The following PIF1 variants were observed in gnomAD, a reference collection of about 807,000 sequenced individuals.
The protein encoded by PIF1 is ATP-dependent DNA helicase PIF1.
Under a neutral mutation model 62.3 loss-of-function variants are expected in PIF1, and 67 were observed. That is an observed-to-expected ratio of 1.08 (90% CI 0.88 to 1.32). PIF1 has a LOEUF of 1.32. Ranked by LOEUF, PIF1 falls within the 40% of genes most tolerant of loss-of-function variation. The pLI is 0.00. For missense variants in PIF1, 886 were observed against 866.1 expected, an observed-to-expected ratio of 1.02 and a Z score of -0.29; for synonymous variants, 364 against 379.5, an observed-to-expected ratio of 0.96 and a Z score of 0.47.
intron 2 of PIF1, among the ~76,000 whole-genome samples, chr15:64,823,060 G>A: frequency 6.6e-6 from 1 of 151,948 alleles, no homozygotes; most frequent in Non-Finnish European, 1.5e-5. Context: ...TGATTCACCT[G>A]CCCCAGCCCA....
rs1225185629 is a variant in PIF1 at position 64,825,602 on chromosome 15, C to A, written c.-53G>T. On this transcript the variant is annotated 5_prime_UTR_variant, in exon 1 of 13. Coordinates refer to ENST00000559239, the MANE Select transcript of PIF1 (RefSeq NM_001286496.2). The stretch of plus-strand genomic sequence containing the variant: ...TCGGGCAGACACTCACTTGTGCCGA[C>A]ACTCAGATGAACAAGCAGATCGTAG... 3 of 152,190 alleles carry A rather than the reference C, an allele frequency of 2.0e-5. No individual in the cohort carries two copies. Among genetic ancestry groups the A allele is most frequent in the African/African-American group, 7.2e-5 (3 of 41,450 alleles). The allele number at this position is 152,190 out of a possible 1,614,324, so 9.4% of individuals were successfully genotyped here. A position where few individuals can be genotyped will look rare whatever the true frequency, so the allele number is the denominator to read the frequency against.
intron 12 of PIF1, 65 bp from the exon 13 acceptor site, chr15:64,816,422 G>A: frequency 6.2e-7 from 1 of 1,601,658 alleles, no homozygotes; most frequent in Non-Finnish European, 8.5e-7. Context: ...TAACCTGGGG[G>A]CCAGCATCTC....
chr15:64,826,415 G>A (rs2084367556), upstream of PIF1, among the ~76,000 whole-genome samples: 1 of 151,198 alleles, frequency 6.6e-6, no homozygotes, highest in African/African-American at 2.4e-5. Flanking sequence ...AACTACCATG[G>A]ATTAAATTGC....
chr15:64,822,575 C>T lies in PIF1; in HGVS notation c.594G>A (p.Leu198=), dbSNP rs1197815898. 6.2e-7 allele frequency: 1 copy of T among 1,614,050 alleles called. No homozygotes were observed. Among genetic ancestry groups the T allele is most frequent in the Non-Finnish European group, 8.5e-7 (1 of 1,180,048 alleles). ...APRWPLPVKR[L]SLPSTKPQLS... is the part of the protein sequence containing the mutation. Reference sequence around the variant, plus strand: ...GCTGTGGCTTGGTGGAGGGCAAGCTCAGCCTCTTCACAGGCAGGGGCCACC... The same window carrying T: ...GCTGTGGCTTGGTGGAGGGCAAGCTTAGCCTCTTCACAGGCAGGGGCCACC... Residue 198 remains leucine, a synonymous_variant, in exon 3 of 13, where the codon CTG becomes CTA. Coordinates refer to ENST00000559239, the MANE Select transcript of PIF1 (RefSeq NM_001286496.2).
intron 7 of PIF1, 23 bp downstream of exon 7, chr15:64,820,959 C>T: frequency 6.2e-7 from 1 of 1,605,608 alleles, no homozygotes; most frequent in Non-Finnish European, 8.5e-7. Context: ...CCCATAGCCC[C>T]TTCCCCAACC....
rs2084325681 is a variant in PIF1 at position 64,823,913 on chromosome 15, G to A, written c.423C>T (p.Gly141=). 7.4e-7 allele frequency: 1 copy of A among 1,353,804 alleles called. No homozygotes were observed. Among genetic ancestry groups the A allele is most frequent in the Non-Finnish European group, 9.6e-7 (1 of 1,045,814 alleles). The allele number at this position is 1,353,804 out of a possible 1,614,324, so 83.9% of individuals were successfully genotyped here. A position where few individuals can be genotyped will look rare whatever the true frequency, so the allele number is the denominator to read the frequency against. ...GPASARAQLL[G]PRPRDFVTIS... is the part of the protein sequence containing the mutation. ...TGGTGACGAAGTCGCGGGGCCGCGG[G>A]CCCAGCAGCTGCGCTCGGGCGGAGG... Residue 141 remains glycine (G), a synonymous_variant, in exon 2 of 13, where the codon GGC becomes GGT. Coordinates refer to ENST00000559239, the MANE Select transcript of PIF1 (RefSeq NM_001286496.2).
Position 64,823,906 on chromosome 15 carries a change from G to C in PIF1, c.430C>G (p.Pro144Ala). Reference sequence around the variant, plus strand: ...GGGCTGATGGTGACGAAGTCGCGGGGCCGCGGGCCCAGCAGCTGCGCTCGG... The same window carrying C: ...GGGCTGATGGTGACGAAGTCGCGGGCCCGCGGGCCCAGCAGCTGCGCTCGG... ...SARAQLLGPR[P>A]RDFVTISPVQ... The change falls in exon 2 of 13, where the codon CCC becomes GCC. Residue 144 changes from proline to alanine, a missense_variant. Pro to Ala is a conservative substitution (Grantham distance 27, BLOSUM62 -1). Transcript: ENST00000559239. 1.5e-6 allele frequency: 2 copies of C among 1,362,870 alleles called. No individual in the cohort carries two copies. The highest frequency in any genetic ancestry group is 1.9e-6 in the Non-Finnish European group (2 of 1,049,842). 84.4% of individuals were successfully genotyped at this position (1,362,870 alleles called of 1,614,324 possible).
chr15:64,816,633 A>G lies in PIF1; in HGVS notation c.1807T>C (p.Cys603Arg). ...TAGAAGTGCAGCACACGGGGGTCAC[A>G]GCGAACCGCCATGGGGTCAAAGTCC... ...VLDFDPMAVR[C>R]DPRVLHFYAT... Residue 603 changes from cysteine to arginine, a missense_variant, in exon 12 of 13, where the codon TGT becomes CGT. By Grantham distance (180) the Cys-to-Arg change is radical. Transcript: ENST00000559239. 6.2e-7 allele frequency: 1 copy of G among 1,614,038 alleles called. No individual in the cohort carries two copies. Among genetic ancestry groups the G allele is most frequent in the East Asian group, 2.2e-5 (1 of 44,888 alleles).
Position 64,816,725 on chromosome 15 carries a change from A to T in PIF1, c.1715T>A (p.Val572Glu). ...CACATAGGCCTGGCCACTGGCAAAC[A>T]CACGGCCCAGAGAAATCTCCACACA... ...LDCVEISLGRVFASGQAYVAL... is the reference protein window; with the variant it reads ...LDCVEISLGREFASGQAYVAL... The change falls in exon 12 of 13, where the codon GTG (valine) becomes GAG (glutamate). Residue 572 changes from valine to glutamate, a missense_variant. Physicochemically the swap from Val to Glu is moderately radical, Grantham distance 121. Coordinates refer to ENST00000559239, the MANE Select transcript of PIF1 (RefSeq NM_001286496.2). 6.2e-7 allele frequency: 1 copy of T among 1,609,938 alleles called. No individual in the cohort carries two copies.
chr15:64,824,714 G>A (rs979613557), intron 1 of PIF1, among the ~76,000 whole-genome samples: 13 of 151,772 alleles, frequency 8.6e-5, no homozygotes, highest in Non-Finnish European at 1.6e-4. Context: ...GGGCGTGGTG[G>A]CGGGCGCTTG....
In PIF1 at chr15:64,822,625, G is replaced by A. The variant is rs1168348739; in HGVS notation, c.559-15C>T. The stretch of plus-strand genomic sequence containing the variant: ...CTTGGGGCTTCCTGGGGGGAACAGA[G>A]CTATCTCAGAGCATCCTCCCACCCG... On this transcript the variant is annotated splice_polypyrimidine_tract_variant and intron_variant, in intron 2 of 12. Transcript: ENST00000559239. 4.3e-6 allele frequency: 7 copies of A among 1,613,186 alleles called. No homozygotes were observed. The highest frequency in any genetic ancestry group is 5.1e-6 in the Non-Finnish European group (6 of 1,179,924).
chr15:64,824,480 G>T, intron 1 of PIF1, 126 bp from the exon 2 acceptor site: 1 of 561,368 alleles, frequency 1.8e-6, no homozygotes, highest in South Asian at 9.9e-5. Context: ...AGATCACGAG[G>T]ACTGTCACTG....
In PIF1 at chr15:64,822,473, A is replaced by G; in HGVS notation, c.691+5T>C. The G allele has an allele frequency of 6.3e-7, 1 of 1,599,088 alleles. No homozygotes were observed. The highest frequency in any genetic ancestry group is 8.5e-7 in the Non-Finnish European group (1 of 1,174,692). ...GTCCCCCTACCTCCTCTCTGCCCCC[A>G]CTACCTGCACTCCCAGTGAAGAAGA... On this transcript the variant is annotated splice_donor_5th_base_variant and intron_variant, in intron 3 of 12. Coordinates refer to ENST00000559239, the MANE Select transcript of PIF1 (RefSeq NM_001286496.2).
chr15:64,816,309 G>A lies in PIF1; in HGVS notation c.1915C>T (p.Pro639Ser), dbSNP rs148800909. 1.2e-6 allele frequency: 2 copies of A among 1,614,018 alleles called. No homozygotes were observed. Among genetic ancestry groups the A allele is most frequent in the Non-Finnish European group, 1.7e-6 (2 of 1,179,986 alleles). Residue 639 changes from proline to serine, a missense_variant, in exon 13 of 13, where the codon CCA becomes TCA. Pro to Ser is a moderately conservative substitution (Grantham distance 74). Transcript: ENST00000559239. Reference protein sequence around the residue: ...EAASDQENMDPIL With the variant: ...EAASDQENMDSIL ...TTTGTGGGTGAGGCTCAGAGGATTG[G>A]GTCCATGTTCTCCTGGTCTGAGGCT... is the stretch of plus-strand genomic sequence containing the variant.
chr15:64,819,662 G>A (rs1488195369), intron 8 of PIF1, among the ~76,000 whole-genome samples, 185 bp downstream of exon 8: 1 of 152,204 alleles, frequency 6.6e-6, no homozygotes, highest in African/African-American at 2.4e-5. Context: ...AGGCAGCGCA[G>A]GCCTGGGGGG....
Position 64,821,429 on chromosome 15 carries a change from C to A in PIF1, c.909G>T (p.Leu303Phe). 1.2e-6 allele frequency: 2 copies of A among 1,614,188 alleles called. No homozygotes were observed. The highest frequency in any genetic ancestry group is 1.7e-6 in the Non-Finnish European group (2 of 1,180,040). ...CCACCATTGAGATCTCGTCAATGAC[C>A]AACCGCTGGCAGTTCAGCCAGCCCT... The part of the protein sequence containing the change: ...VRQGWLNCQR[L>F]VIDEISMVEA... The change falls in exon 5 of 13, where the codon TTG (leucine) becomes TTT (phenylalanine). Residue 303 changes from leucine (L) to phenylalanine (F), a missense_variant. Coordinates refer to ENST00000559239, the MANE Select transcript of PIF1 (RefSeq NM_001286496.2).
In PIF1 at chr15:64,815,851, T is replaced by C. The variant is rs1337071426; in HGVS notation, c.*447A>G. 2 of 1,550,560 alleles carry C rather than the reference T, an allele frequency of 1.3e-6. No homozygotes were observed. Among genetic ancestry groups the C allele is most frequent in the Admixed American group, 2.0e-5 (1 of 50,986 alleles). Reference sequence around the variant, plus strand: ...GACACACCTAAGTTCCGTTCTCTGTTTGGAGGCTGCACCCAGCCTGAGTCC... The same window carrying C: ...GACACACCTAAGTTCCGTTCTCTGTCTGGAGGCTGCACCCAGCCTGAGTCC... On this transcript the variant is annotated 3_prime_UTR_variant, in exon 13 of 13. Coordinates refer to ENST00000559239, the MANE Select transcript of PIF1 (RefSeq NM_001286496.2).
At chr15:64,818,977 A>G (rs2084238497) in intron 9 of PIF1, 140 bp downstream of exon 9, 1 of 517,800 alleles carries the variant, frequency 1.9e-6, no homozygotes, top group Non-Finnish European at 3.3e-6. Context: ...GGTGGGTGGG[A>G]ACAGGAGGCA....
At chr15:64,818,605 C>T (rs1371746523) in intron 9 of PIF1, 9 of 485,718 alleles carry the variant, frequency 1.9e-5, no homozygotes, top group Admixed American at 1.8e-4. Flanking sequence ...AATAAGGCAA[C>T]CTCTATCACA....
Sources: allele counts gnomAD v4.1 joint callset (sites outside exome capture counted in the v4.1 genomes callset), GRCh38; gene constraint gnomAD v4.1.1; transcripts MANE v1.5; gene names NCBI Gene and HGNC (gene_info 2026-07-23, HGNC 2026-07-21).